ELP1: variants seen among roughly 807,000 people sequenced by gnomAD.
ELP1 encodes the protein elongator complex protein 1.
In ELP1, 131 loss-of-function variants were observed where a neutral mutation model predicts 183.2. The observed-to-expected ratio is 0.72, with a 90% CI of 0.62 to 0.83. The LOEUF (loss-of-function observed/expected upper bound fraction) is 0.83. Ranked by LOEUF, ELP1 falls within the 40% of genes least tolerant of loss-of-function variation. The pLI is 0.00. For missense variants in ELP1, 1,550 were observed against 1,594.9 expected, an observed-to-expected ratio of 0.97 and a Z score of 0.48; for synonymous variants, 555 against 569.0, an observed-to-expected ratio of 0.98 and a Z score of 0.35.
At position 108,906,454 on chromosome 9, in the gene ELP1, C is replaced by T. The variant is rs771689433; in HGVS notation, c.1492G>A (p.Val498Ile). The T allele has an allele frequency of 3.7e-6, 6 of 1,613,794 alleles. No homozygotes were observed. The South Asian group carries it at 6.6e-5, about 18-fold the overall frequency. ...AGAAGGCCTAGTTTCAGCGGGTTTA[C>T]ATCTTGATCTTCATTATTCTCAAAC... ...IQFENNEDQD[V>I]NPLKLGLLTW... Residue 498 changes from valine (V) to isoleucine (I), a missense_variant, in exon 14 of 37, where the codon GTA (valine) becomes ATA (isoleucine). By Grantham distance (29) the Val-to-Ile change is conservative. Coordinates refer to ENST00000374647, the MANE Select transcript of ELP1 (RefSeq NM_003640.5).
chr9:108,891,074 A>T, intron 28 of ELP1, 129 bp downstream of exon 28: 1 of 894,882 alleles, frequency 1.1e-6, no homozygotes, highest in Non-Finnish European at 1.8e-6. Context: ...ATTCTAAATT[A>T]ATTTTTATCA....
At chr9:108,887,037 C>T (rs1828151582) in intron 29 of ELP1, among the ~76,000 whole-genome samples, 1 of 151,928 alleles carries the variant, frequency 6.6e-6, no homozygotes, top group African/African-American at 2.4e-5. Flanking sequence ...GGCAAAACCC[C>T]ATCCCTACAA....
At chr9:108,918,756 C>T in intron 8 of ELP1, 55 bp downstream of exon 8, 1 of 1,215,860 alleles carries the variant, frequency 8.2e-7, no homozygotes, top group Non-Finnish European at 1.2e-6. Context: ...TCCATGTGTA[C>T]CACCACCTCT....
intron 36 of ELP1, among the ~76,000 whole-genome samples, chr9:108,872,052 T>C (rs1446662702): frequency 6.6e-6 from 1 of 152,238 alleles, no homozygotes; most frequent in East Asian, 1.9e-4. Context: ...TTTTCTCTGC[T>C]TCCTGGGAGC....
At chr9:108,896,871 A>AC in intron 24 of ELP1, 82 bp downstream of exon 24, 1 of 1,284,760 alleles carries the variant, frequency 7.8e-7, no homozygotes, top group South Asian at 1.2e-5. Context: ...GTGGTGTGGC[A>AC]ATGACATGGT....
intron 6 of ELP1, among the ~76,000 whole-genome samples, chr9:108,921,894 T>C (rs1829662349): frequency 2.0e-5 from 3 of 152,264 alleles, no homozygotes; most frequent in Non-Finnish European, 4.4e-5. Flanking sequence ...GCCTACACTG[T>C]GCTGATGCTA....
intron 8 of ELP1, among the ~76,000 whole-genome samples, chr9:108,918,230 G>A (rs764730988): frequency 6.6e-6 from 1 of 152,112 alleles, no homozygotes; most frequent in African/African-American, 2.4e-5. Flanking sequence ...AGATATCACC[G>A]AAACAGAGGA....
chr9:108,869,091 C>A lies in ELP1; in HGVS notation c.*24G>T, dbSNP rs201039322. ...AATGAGTGGAAATGGTCTTCTCTGTCGGATCCCTCCTAACTGCAGTCACTC... is the reference window on the plus strand; with the variant it reads ...AATGAGTGGAAATGGTCTTCTCTGTAGGATCCCTCCTAACTGCAGTCACTC... On this transcript the variant is annotated 3_prime_UTR_variant, in exon 37 of 37. Transcript: ENST00000374647. 6.2e-7 allele frequency: 1 copy of A among 1,605,954 alleles called. No homozygotes were observed. Among genetic ancestry groups the A allele is most frequent in the Non-Finnish European group, 8.5e-7 (1 of 1,172,562 alleles).
rs759559373 is a variant in ELP1 at position 108,897,197 on chromosome 9, G to A, written c.2452C>T (p.Leu818Phe). 4 of 1,614,096 alleles carry A rather than the reference G, an allele frequency of 2.5e-6. No individual in the cohort carries two copies. The highest frequency in any genetic ancestry group is 3.4e-6 in the Non-Finnish European group (4 of 1,180,030). Reference sequence around the variant, plus strand: ...ACTGCTCTCATAGCATCGCAGACAAGGTCTATTTTATTCCCGTCAGGATCC... The same window carrying A: ...ACTGCTCTCATAGCATCGCAGACAAAGTCTATTTTATTCCCGTCAGGATCC... ...SRDPDGNKID[L>F]VCDAMRAVME... Residue 818 changes from leucine to phenylalanine, a missense_variant, in exon 23 of 37, where the codon CTT becomes TTT. Transcript: ENST00000374647.
At chr9:108,925,480 A>G (rs1424478400) in intron 5 of ELP1, among the ~76,000 whole-genome samples, 2 of 151,708 alleles carry the variant, frequency 1.3e-5, no homozygotes, top group Non-Finnish European at 2.9e-5. Flanking sequence ...CCTACCCAAT[A>G]CCAATTCAGC....
intron 14 of ELP1, among the ~76,000 whole-genome samples, chr9:108,904,465 T>C (rs1284340847): frequency 6.6e-6 from 1 of 152,158 alleles, no homozygotes; most frequent in African/African-American, 2.4e-5. Context: ...GAAGTAGTGA[T>C]AAAAGCAAAT....
Position 108,868,539 on chromosome 9 carries a change from A to G in ELP1, c.*576T>C. The stretch of plus-strand genomic sequence containing the variant: ...ACAGGCAGTAAAACAGTCCCTATAG[A>G]CATTGTAATTATAGGAGGCTCAGCC... On this transcript the variant is annotated 3_prime_UTR_variant, in exon 37 of 37. Transcript: ENST00000374647. 1 of 433,472 alleles carries G rather than the reference A, an allele frequency of 2.3e-6. No homozygotes were observed. Among genetic ancestry groups the G allele is most frequent in the Non-Finnish European group, 4.0e-6 (1 of 247,626 alleles). The allele number at this position is 433,472 out of a possible 1,614,324, so 26.9% of individuals were successfully genotyped here. A position where few individuals can be genotyped will look rare whatever the true frequency, so the allele number is the denominator to read the frequency against.
At chr9:108,929,470 A>G (rs1239886337) in intron 3 of ELP1, among the ~76,000 whole-genome samples, 1 of 135,008 alleles carries the variant, frequency 7.4e-6, no homozygotes, top group African/African-American at 2.8e-5. Flanking sequence ...AGGGTCTGAT[A>G]AGAGGTGATC....
chr9:108,881,282 G>C (rs1478001284), intron 31 of ELP1, among the ~76,000 whole-genome samples: 1 of 151,996 alleles, frequency 6.6e-6, no homozygotes, highest in African/African-American at 2.4e-5. Flanking sequence ...TAATACTTTT[G>C]TGGAACCTTT....
Position 108,919,246 on chromosome 9 carries a change from T to C in ELP1, c.649+7A>G. 6.3e-7 allele frequency: 1 copy of C among 1,598,660 alleles called. No individual in the cohort carries two copies. On this transcript the variant is annotated splice_region_variant and intron_variant, in intron 7 of 36. Coordinates refer to ENST00000374647, the MANE Select transcript of ELP1 (RefSeq NM_003640.5). ...TATTGTTGTTTAACTGCAATATATT[T>C]CCATACCTGTTTCTGGGCAAACAAC...
intron 36 of ELP1, among the ~76,000 whole-genome samples, chr9:108,870,603 G>C (rs928923155): frequency 1.3e-5 from 2 of 151,990 alleles, no homozygotes; most frequent in African/African-American, 4.8e-5. Flanking sequence ...TTAAAGAGGA[G>C]GCAAGAGAGG....
Position 108,890,371 on chromosome 9 carries a change from A to C in ELP1, c.3160+832T>G, listed in dbSNP as rs554129045. Among the ~76,000 whole-genome samples the C allele has an allele frequency of 3.3e-5, 5 of 152,382 alleles. No homozygotes were observed. In the East Asian group the frequency reaches 9.6e-4, roughly 29 times the overall value. On this transcript the variant is annotated intron_variant, in intron 28 of 36. Coordinates refer to ENST00000374647, the MANE Select transcript of ELP1 (RefSeq NM_003640.5). ...GCAAATGACAAAGAAGGACTGGTAC[A>C]TAAATTTAACAAAATTTAACAGGAT...
intron 6 of ELP1, among the ~76,000 whole-genome samples, chr9:108,922,593 A>G (rs1211232577): frequency 3.3e-5 from 5 of 152,194 alleles, no homozygotes; most frequent in Admixed American, 2.0e-4. Flanking sequence ...TTTATTTTTT[A>G]AACTGGGTGA....
rs2230789 is a variant in ELP1, at chr9:108,912,378, G to A, written c.1075C>T (p.Leu359=). The A allele has an allele frequency of 3.2e-5, 51 of 1,614,130 alleles. No individual in the cohort carries two copies. In the African/African-American group the frequency reaches 6.0e-4, roughly 19 times the overall value. The part of the protein sequence containing the change: ...LMWDPVTPYR[L]HVLCQGWHYL... The stretch of plus-strand genomic sequence containing the variant: ...TGCCAGCCCTGACAGAGAACATGCA[G>A]CCGGTATGGGGTCACAGGGTCCCAC... Residue 359 remains leucine (L), a synonymous_variant, in exon 11 of 37, where the codon CTG becomes TTG. Transcript: ENST00000374647.
Sources: gnomAD v4.1 joint callset for allele counts (sites outside exome capture counted in the v4.1 genomes callset) on GRCh38, gnomAD v4.1.1 for gene constraint, MANE v1.5 for transcripts, NCBI Gene and HGNC (gene_info 2026-07-23, HGNC 2026-07-21) for gene names.